ZNF516: variants seen among roughly 807,000 people sequenced by gnomAD.
The protein encoded by ZNF516 is zinc finger protein 516.
A neutral mutation model predicts 79.7 loss-of-function variants in ZNF516; 19 were observed. The observed-to-expected ratio is 0.24, with a 90% CI of 0.17 to 0.35. The LOEUF (loss-of-function observed/expected upper bound fraction) is 0.35, where lower values mean the gene tolerates loss of function less well. Ranked by LOEUF, ZNF516 falls within the 10% of genes least tolerant of loss-of-function variation. The pLI is 1.00. For synonymous variants in ZNF516, 877 were observed against 739.5 expected (o/e 1.19, Z -3.02); for missense variants, 1,678 against 1,679.5 (o/e 1.00, Z 0.02).
intron 1 of ZNF516, among the ~76,000 whole-genome samples, chr18:76,464,137 A>G (rs1278006495): frequency 1.3e-5 from 2 of 152,180 alleles, no homozygotes; most frequent in African/African-American, 4.8e-5. Flanking sequence ...CAGCCTGGCC[A>G]ACATGGTAAA....
At chr18:76,470,023 A>C (rs1189957966) in intron 1 of ZNF516, among the ~76,000 whole-genome samples, 1 of 152,246 alleles carries the variant, frequency 6.6e-6, no homozygotes, top group East Asian at 1.9e-4. Context: ...AACTGCATGA[A>C]ATATGTTCAT....
chr18:76,368,921 T>G (rs1034947642), intron 6 of ZNF516, among the ~76,000 whole-genome samples: 3 of 152,194 alleles, frequency 2.0e-5, no homozygotes, highest in Admixed American at 2.0e-4. Flanking sequence ...TAAACTGACA[T>G]GCATTCCTGA....
chr18:76,495,922 T>A, upstream of ZNF516: 2 of 341,108 alleles, frequency 5.9e-6, no homozygotes, highest in Non-Finnish European at 1.0e-5. Context: ...TGGAAAGACT[T>A]CAAACAGCGG....
chr18:76,441,770 C>T lies in ZNF516; in HGVS notation c.1285G>A (p.Glu429Lys), dbSNP rs1206513829. ...CCGTACTTGAGGTACTCGGCCGGCT[C>T]GGCCACCTTACCCCGCGTGGCCAGC... ...WQLATRGKVA[E>K]PAEYLKYGAW... Residue 429 changes from glutamate (E) to lysine (K), a missense_variant, in exon 3 of 7, where the codon GAG (glutamate) becomes AAG (lysine). Transcript: ENST00000443185. 5 of 1,564,228 alleles carry T rather than the reference C, an allele frequency of 3.2e-6. No individual in the cohort carries two copies. Among genetic ancestry groups the T allele is most frequent in the Non-Finnish European group, 3.4e-6 (4 of 1,161,418 alleles).
intron 1 of ZNF516, chr18:76,492,351 G>A: frequency 1.6e-5 from 16 of 985,474 alleles, no homozygotes; most frequent in Non-Finnish European, 1.9e-5. Context: ...AGCTGCAAGC[G>A]TGGGGTGGCC....
intron 2 of ZNF516, among the ~76,000 whole-genome samples, chr18:76,452,960 G>T (rs1378935102): frequency 6.6e-6 from 1 of 152,210 alleles, no homozygotes; most frequent in Non-Finnish European, 1.5e-5. Context: ...ATGAAGAACA[G>T]GGGGTGGCTA....
chr18:76,377,833 A>G (rs527440798), intron 4 of ZNF516, among the ~76,000 whole-genome samples: 2 of 150,556 alleles, frequency 1.3e-5, no homozygotes, highest in East Asian at 3.9e-4. Context: ...CTCCTGCCTC[A>G]GCCTCCCAAG....
At position 76,473,816 on chromosome 18, in the gene ZNF516, G is replaced by A. The variant is rs529897138; in HGVS notation, c.-271-10675C>T. Among the ~76,000 whole-genome samples the A allele has an allele frequency of 5.7e-3, 819 of 142,606 alleles. 4 individuals are homozygous for A. The highest frequency in any genetic ancestry group is 8.9e-3 in the Non-Finnish European group (592 of 66,240). The allele number at this position is 142,606 out of a possible 152,430, so 93.6% of individuals were successfully genotyped here. A position where few individuals can be genotyped will look rare whatever the true frequency, so the allele number is the denominator to read the frequency against. On this transcript the variant is annotated intron_variant, in intron 1 of 6. Transcript: ENST00000443185. ...ACTCCATCTCCAAAAAAAAAAAAAA[G>A]TAGCTATCTTATAATCATAAAGGGT...
chr18:76,377,281 C>T (rs943336921), intron 4 of ZNF516, among the ~76,000 whole-genome samples: 2 of 152,258 alleles, frequency 1.3e-5, no homozygotes, highest in Non-Finnish European at 2.9e-5. Context: ...ACGTGAATGA[C>T]GAGACCCTCG....
At chr18:76,419,406 CTTCT>C (rs2075478164) in intron 3 of ZNF516, among the ~76,000 whole-genome samples, 3 of 152,310 alleles carry the variant, frequency 2.0e-5, no homozygotes, top group South Asian at 4.1e-4. Context: ...GCAGTGATAC[CTTCT>C]TTTTCTTTTC....
At chr18:76,437,011 G>A (rs1052279582) in intron 3 of ZNF516, among the ~76,000 whole-genome samples, 1 of 150,960 alleles carries the variant, frequency 6.6e-6, no homozygotes, top group Non-Finnish European at 1.5e-5. Context: ...AGGTTGCAGG[G>A]AGCTGAGATT....
intron 1 of ZNF516, chr18:76,491,717 C>A: frequency 6.6e-6 from 1 of 150,610 alleles, no homozygotes; most frequent in Non-Finnish European, 1.5e-5. Context: ...CCGCCCCCAG[C>A]CCAGAGGGCC....
chr18:76,399,768 A>G (rs1324884197), intron 3 of ZNF516, among the ~76,000 whole-genome samples: 3 of 152,142 alleles, frequency 2.0e-5, no homozygotes, highest in Admixed American at 1.3e-4. Context: ...TCCCTTGAAC[A>G]TAGCTCTGGG....
chr18:76,472,217 A>G (rs113376386), intron 1 of ZNF516, among the ~76,000 whole-genome samples: 4 of 151,926 alleles, frequency 2.6e-5, no homozygotes, highest in African/African-American at 9.7e-5. Flanking sequence ...ATCTCTTCCC[A>G]TTGCCCTTGG....
At chr18:76,365,146 C>T (rs2074595345) in intron 6 of ZNF516, among the ~76,000 whole-genome samples, 1 of 152,082 alleles carries the variant, frequency 6.6e-6, no homozygotes, top group South Asian at 2.1e-4. Context: ...AATTAGGTCG[C>T]CATTTGTTTT....
chr18:76,431,874 C>T (rs2075665739), intron 3 of ZNF516, among the ~76,000 whole-genome samples: 1 of 152,200 alleles, frequency 6.6e-6, no homozygotes, highest in African/African-American at 2.4e-5. Flanking sequence ...TCGGGTATTC[C>T]TTTACAGAAA....
intron 3 of ZNF516, among the ~76,000 whole-genome samples, chr18:76,383,820 C>T (rs2074934205): frequency 6.6e-6 from 1 of 152,242 alleles, no homozygotes; most frequent in South Asian, 2.1e-4. Flanking sequence ...ATCAGTAAGC[C>T]ACAGAACAGA....
chr18:76,479,040 G>A (rs1440600552), intron 1 of ZNF516, among the ~76,000 whole-genome samples: 1 of 151,276 alleles, frequency 6.6e-6, no homozygotes, highest in African/African-American at 2.4e-5. Context: ...TGGGTGACAA[G>A]AGTGAGATTC....
At chr18:76,425,383 T>C (rs1568280689) in intron 3 of ZNF516, among the ~76,000 whole-genome samples, 1 of 152,176 alleles carries the variant, frequency 6.6e-6, no homozygotes, top group African/African-American at 2.4e-5. Context: ...CATTTTTTAA[T>C]CAAAACTAAA....
Sources: allele counts gnomAD v4.1 joint callset (sites outside exome capture counted in the v4.1 genomes callset), GRCh38; gene constraint gnomAD v4.1.1; transcripts MANE v1.5; gene names NCBI Gene and HGNC (gene_info 2026-07-23, HGNC 2026-07-21).